CNGB3: variants seen among roughly 807,000 people sequenced by gnomAD.
CNGB3 encodes the protein cyclic nucleotide gated channel subunit beta 3, also known as cyclic nucleotide-gated channel beta-3.
Under a neutral mutation model 92.8 loss-of-function variants are expected in CNGB3, and 86 were observed. The ratio of observed to expected loss-of-function variants is 0.93; its 90% CI spans 0.78 to 1.11. The LOEUF (loss-of-function observed/expected upper bound fraction) is 1.11, where lower values mean the gene tolerates loss of function less well. Ranked by LOEUF, CNGB3 falls within the 50% of genes least tolerant of loss-of-function variation. The probability of loss-of-function intolerance (pLI) is 0.00; values close to 1 mark genes in which losing one functional copy is unlikely to be tolerated. For synonymous variants in CNGB3, 333 were observed against 332.7 expected, an observed-to-expected ratio of 1.00 and a Z score of -0.01; for missense variants, 1,026 against 956.8, an observed-to-expected ratio of 1.07 and a Z score of -0.95.
chr8:86,694,050 G>C (rs1229016675), intron 3 of CNGB3, among the ~76,000 whole-genome samples: 1 of 134,980 alleles, frequency 7.4e-6, no homozygotes, highest in African/African-American at 2.9e-5. Flanking sequence ...TCACCTCCCG[G>C]ACGGGGCGGC....
At chr8:86,599,039 G>C (rs1822234562) in intron 15 of CNGB3, among the ~76,000 whole-genome samples, 2 of 152,100 alleles carry the variant, frequency 1.3e-5, no homozygotes, top group African/African-American at 4.8e-5. Flanking sequence ...CATCATTTGA[G>C]GACCAGTGAA....
chr8:86,662,831 G>A (rs1026221744), intron 6 of CNGB3, among the ~76,000 whole-genome samples: 8 of 152,010 alleles, frequency 5.3e-5, no homozygotes, highest in African/African-American at 1.4e-4. Context: ...CCTTCAAACC[G>A]TCTCCGAGCC....
intron 10 of CNGB3, among the ~76,000 whole-genome samples, chr8:86,638,359 A>G (rs752794155): frequency 3.9e-5 from 6 of 152,014 alleles, no homozygotes; most frequent in Non-Finnish European, 8.8e-5. Context: ...AGTTCCAGTA[A>G]CCCCATGTTA....
intron 12 of CNGB3, among the ~76,000 whole-genome samples, chr8:86,628,111 A>C (rs1342543305): frequency 6.6e-6 from 1 of 152,258 alleles, no homozygotes. Context: ...TAAGGCTTCC[A>C]GTCAACAGTA....
intron 2 of CNGB3, among the ~76,000 whole-genome samples, chr8:86,734,065 T>A (rs774453889): frequency 1.3e-5 from 2 of 152,014 alleles, no homozygotes; most frequent in Non-Finnish European, 2.9e-5. Context: ...AGAGGTCAGG[T>A]CTCGCTATGT....
chr8:86,737,086 T>A (rs953379859), intron 2 of CNGB3, among the ~76,000 whole-genome samples: 4 of 152,132 alleles, frequency 2.6e-5, no homozygotes, highest in Admixed American at 6.6e-5. Flanking sequence ...GTGGCAGAGA[T>A]AAAAGTACAG....
At chr8:86,739,944 G>T (rs1006064990) in intron 1 of CNGB3, among the ~76,000 whole-genome samples, 6 of 152,122 alleles carry the variant, frequency 3.9e-5, no homozygotes, top group Non-Finnish European at 7.3e-5. Context: ...CTGCCCTCTG[G>T]TTTTTTCAGT....
Position 86,620,372 on chromosome 8 carries a change from T to C in CNGB3, c.1578+5611A>G, listed in dbSNP as rs139196097. 2.8e-3 allele frequency among the ~76,000 whole-genome samples: 430 copies of C among 152,282 alleles called. 2 individuals carry two copies. The highest frequency in any genetic ancestry group is 0.02 in the South Asian group (97 of 4,818). On this transcript the variant is annotated intron_variant, in intron 13 of 17. Coordinates refer to ENST00000320005, the MANE Select transcript of CNGB3 (RefSeq NM_019098.5). ...AGCAGGTCTGGTTTCTTCTGTGGCC[T>C]CTCTGCTTGGCTTGCAGATGGCTAC...
At chr8:86,671,159 G>A in intron 3 of CNGB3, 61 bp from the exon 4 acceptor site, 1 of 1,570,838 alleles carries the variant, frequency 6.4e-7, no homozygotes, top group Non-Finnish European at 8.7e-7. Flanking sequence ...ATAAGGGAAA[G>A]ATTAAATCTT....
At chr8:86,685,982 A>AC (rs1554615362) in intron 3 of CNGB3, among the ~76,000 whole-genome samples, 6 of 151,778 alleles carry the variant, frequency 4.0e-5, no homozygotes, top group African/African-American at 1.5e-4. Context: ...TGTAAAGTAA[A>AC]CTAATATTTT....
intron 15 of CNGB3, chr8:86,594,115 GAC>G (rs1348882172): frequency 3.3e-6 from 1 of 301,272 alleles, no homozygotes; most frequent in African/African-American, 2.2e-5. Flanking sequence ...CTGAAAAGTG[GAC>G]TTACAAAACC....
At chr8:86,709,245 G>A (rs879497949) in intron 3 of CNGB3, among the ~76,000 whole-genome samples, 3 of 152,110 alleles carry the variant, frequency 2.0e-5, no homozygotes, top group Admixed American at 1.3e-4. Context: ...CTGATAAAAT[G>A]GGTACCCACA....
intron 3 of CNGB3, among the ~76,000 whole-genome samples, chr8:86,694,165 G>T (rs1418701548): frequency 7.4e-6 from 1 of 134,900 alleles, no homozygotes; most frequent in Non-Finnish European, 1.6e-5. Context: ...GCGGCTGGCC[G>T]GGCGGGGGGC....
chr8:86,635,871 CACATAT>C (rs1200993932), intron 10 of CNGB3, among the ~76,000 whole-genome samples: 2 of 96,680 alleles, frequency 2.1e-5, no homozygotes, highest in African/African-American at 8.0e-5. Context: ...TATACACATA[CACATAT>C]ACTTAGGCAT....
chr8:86,621,927 G>T (rs1475443352), intron 13 of CNGB3, among the ~76,000 whole-genome samples: 1 of 152,138 alleles, frequency 6.6e-6, no homozygotes, highest in African/African-American at 2.4e-5. Context: ...GCTGGGCATG[G>T]TGGCACTACT....
intron 3 of CNGB3, among the ~76,000 whole-genome samples, chr8:86,689,542 AT>A (rs998895225): frequency 2.7e-5 from 4 of 149,196 alleles, no homozygotes; most frequent in African/African-American, 4.9e-5. Flanking sequence ...TTATTTCTTT[AT>A]TTTTTTATTT....
At chr8:86,590,019 G>C (rs1205220833) in intron 15 of CNGB3, among the ~76,000 whole-genome samples, 2 of 147,424 alleles carry the variant, frequency 1.4e-5, no homozygotes, top group African/African-American at 2.5e-5. Flanking sequence ...GAATCTGGGT[G>C]CTCCTGTATT....
At chr8:86,732,528 T>C (rs1319991251) in intron 2 of CNGB3, among the ~76,000 whole-genome samples, 1 of 152,176 alleles carries the variant, frequency 6.6e-6, no homozygotes, top group African/African-American at 2.4e-5. Flanking sequence ...GGAGAAAAAG[T>C]AATTAGCTCC....
At chr8:86,668,450 T>C (rs1434063299) in intron 4 of CNGB3, among the ~76,000 whole-genome samples, 2 of 152,124 alleles carry the variant, frequency 1.3e-5, no homozygotes, top group African/African-American at 2.4e-5. Flanking sequence ...CAAACCTGCA[T>C]GTTCTGCACA....
Sources: gnomAD v4.1 joint callset for allele counts (sites outside exome capture counted in the v4.1 genomes callset) on GRCh38, gnomAD v4.1.1 for gene constraint, MANE v1.5 for transcripts, NCBI Gene and HGNC (gene_info 2026-07-23, HGNC 2026-07-21) for gene names.